Variants in GABRB3 observed in about 807,000 individuals in gnomAD.
GABRB3 encodes the protein gamma-aminobutyric acid receptor subunit beta-3.
Under a neutral mutation model 52.1 loss-of-function variants are expected in GABRB3, and 14 were observed. That is an observed-to-expected ratio of 0.27 (90% confidence interval 0.18 to 0.42). The LOEUF (loss-of-function observed/expected upper bound fraction) is 0.42, where lower values mean the gene tolerates loss of function less well. GABRB3 is among the 10% of genes least tolerant of loss of function. GABRB3 has a pLI of 1.00. For missense variants in GABRB3, 307 were observed against 609.1 expected (o/e 0.50, Z 5.22); for synonymous variants, 260 against 232.3 (o/e 1.12, Z -1.08).
At chr15:26,768,807 A>T (rs1351964720) in intron 3 of GABRB3, among the ~76,000 whole-genome samples, 6 of 152,232 alleles carry the variant, frequency 3.9e-5, no homozygotes, top group Non-Finnish European at 7.4e-5. Context: ...ACTAATTTTT[A>T]AAAAAAAAGA....
intron 3 of GABRB3, among the ~76,000 whole-genome samples, chr15:26,724,347 T>A (rs990647154): frequency 6.6e-6 from 1 of 152,202 alleles, no homozygotes; most frequent in Non-Finnish European, 1.5e-5. Context: ...AGGGAAATTT[T>A]GGAAGCTGAG....
intron 4 of GABRB3, among the ~76,000 whole-genome samples, chr15:26,594,713 G>A (rs1397114515): frequency 6.6e-6 from 1 of 152,062 alleles, no homozygotes; most frequent in Non-Finnish European, 1.5e-5. Context: ...ATGGGGTCTT[G>A]TTACATTGCC....
At chr15:26,768,400 A>T (rs1891054603) in intron 3 of GABRB3, among the ~76,000 whole-genome samples, 1 of 152,238 alleles carries the variant, frequency 6.6e-6, no homozygotes, top group African/African-American at 2.4e-5. Context: ...AAATTAACAG[A>T]TCAAACAATG....
At chr15:26,557,301 G>A (rs1387362798) in intron 8 of GABRB3, among the ~76,000 whole-genome samples, 5 of 152,078 alleles carry the variant, frequency 3.3e-5, no homozygotes, top group African/African-American at 1.2e-4. Context: ...GGACGAAGAG[G>A]ATCAAAAAAC....
At chr15:26,684,279 C>T (rs561390387) in intron 3 of GABRB3, among the ~76,000 whole-genome samples, 114 of 152,264 alleles carry the variant, frequency 7.5e-4, no homozygotes, top group African/African-American at 2.7e-3. Flanking sequence ...GGTACACCCC[C>T]ACATTGCCAC....
chr15:26,601,397 G>A (rs1313133297), intron 4 of GABRB3, among the ~76,000 whole-genome samples: 1 of 149,948 alleles, frequency 6.7e-6, no homozygotes, highest in Non-Finnish European at 1.5e-5. Context: ...GCGACACAGC[G>A]AAACTCCGTC....
intron 3 of GABRB3, among the ~76,000 whole-genome samples, chr15:26,635,544 A>G (rs1893035903): frequency 6.6e-6 from 1 of 152,198 alleles, no homozygotes; most frequent in African/African-American, 2.4e-5. Context: ...AAACAGAAAG[A>G]AAGACGTTTA....
At chr15:26,708,474 G>C (rs2140126792) in intron 3 of GABRB3, among the ~76,000 whole-genome samples, 1 of 152,318 alleles carries the variant, frequency 6.6e-6, no homozygotes, top group Middle Eastern at 3.4e-3. Context: ...ATGAGGGAAT[G>C]AGGGCATAGG....
At chr15:26,578,244 A>ATC (rs1890663571) in intron 6 of GABRB3, among the ~76,000 whole-genome samples, 1 of 152,254 alleles carries the variant, frequency 6.6e-6, no homozygotes, top group South Asian at 2.1e-4. Context: ...AACTTATGCC[A>ATC]TTTCTTCATG....
At chr15:26,629,201 G>A (rs546451708) in intron 3 of GABRB3, 129 of 1,450,244 alleles carry the variant, frequency 8.9e-5, no homozygotes, top group Non-Finnish European at 1.1e-4. Flanking sequence ...TTTGCGAAGC[G>A]GCGGCAATCA....
At chr15:26,644,424 C>T (rs749105645) in intron 3 of GABRB3, among the ~76,000 whole-genome samples, 1 of 152,172 alleles carries the variant, frequency 6.6e-6, no homozygotes, top group Non-Finnish European at 1.5e-5. Flanking sequence ...GACAGACACG[C>T]ACACAGAGAG....
At chr15:26,677,260 C>A (rs1888098609) in intron 3 of GABRB3, among the ~76,000 whole-genome samples, 1 of 152,200 alleles carries the variant, frequency 6.6e-6, no homozygotes, top group Non-Finnish European at 1.5e-5. Context: ...TGCCCCAATT[C>A]CCAGTTAGAA....
chr15:26,557,298 G>A (rs1290860478), intron 8 of GABRB3, among the ~76,000 whole-genome samples: 1 of 152,150 alleles, frequency 6.6e-6, no homozygotes, highest in Non-Finnish European at 1.5e-5. Context: ...AGAGGACGAA[G>A]AGGATCAAAA....
At position 26,772,774 on chromosome 15, in the gene GABRB3, T is replaced by TG; in HGVS notation, c.81-3dup. 2 of 1,447,924 alleles carry TG rather than the reference T, an allele frequency of 1.4e-6. No homozygotes were observed. Among genetic ancestry groups the TG allele is most frequent in the Non-Finnish European group, 1.8e-6 (2 of 1,084,624 alleles). The allele number at this position is 1,447,924 out of a possible 1,614,324, so 89.7% of individuals were successfully genotyped here. A position where few individuals can be genotyped will look rare whatever the true frequency, so the allele number is the denominator to read the frequency against. ...GACATGTTCCCGGGATCGTTCACAC[T>TG]GGGGGAGGGACGGGGAGCACAAAGA... is the stretch of plus-strand genomic sequence containing the variant. On this transcript the variant is annotated splice_polypyrimidine_tract_variant and splice_region_variant and intron_variant, in intron 1 of 8. Coordinates refer to ENST00000311550, the MANE Select transcript of GABRB3 (RefSeq NM_000814.6).
intron 3 of GABRB3, among the ~76,000 whole-genome samples, chr15:26,757,158 C>T (rs907777757): frequency 3.9e-5 from 6 of 152,136 alleles, no homozygotes; most frequent in African/African-American, 7.2e-5. Context: ...GTTTCTTATA[C>T]CAATTTTACC....
Position 26,554,189 on chromosome 15 carries a change from T to A in GABRB3, c.1081-6055A>T, listed in dbSNP as rs867077490. 3.7e-4 allele frequency among the ~76,000 whole-genome samples: 10 copies of A among 27,354 alleles called. 1 individual carries two copies. Among genetic ancestry groups the A allele is most frequent in the Admixed American group, 5.8e-4 (1 of 1,720 alleles). The allele number at this position is 27,354 out of a possible 152,430, so 17.9% of individuals were successfully genotyped here. A position where few individuals can be genotyped will look rare whatever the true frequency, so the allele number is the denominator to read the frequency against. ...TATATATATAAAGTATATATATATA[T>A]ACTATATATATATATATATAGTAGA... On this transcript the variant is annotated intron_variant, in intron 8 of 8. Coordinates refer to ENST00000311550, the MANE Select transcript of GABRB3 (RefSeq NM_000814.6).
chr15:26,592,781 G>A (rs776208509), intron 4 of GABRB3, among the ~76,000 whole-genome samples: 29 of 152,080 alleles, frequency 1.9e-4, no homozygotes, highest in African/African-American at 6.8e-4. Context: ...TTGGGAGGCC[G>A]AGGCGGGTGG....
chr15:26,599,173 C>T (rs907146286), intron 4 of GABRB3, among the ~76,000 whole-genome samples: 1 of 152,168 alleles, frequency 6.6e-6, no homozygotes, highest in Non-Finnish European at 1.5e-5. Flanking sequence ...TAGCTTAAAC[C>T]AGAAAGTCAA....
At chr15:26,606,808 A>ATCGATAGATAGATCTATCTATC (rs750566618) in intron 4 of GABRB3, among the ~76,000 whole-genome samples, 1 of 84,772 alleles carries the variant, frequency 1.2e-5, no homozygotes, top group Non-Finnish European at 2.4e-5. Flanking sequence ...ATATATCTAT[A>ATCGATAGATAGATCTATCTATC]GATAGATAGA....
Sources: allele counts gnomAD v4.1 joint callset (sites outside exome capture counted in the v4.1 genomes callset), GRCh38; gene constraint gnomAD v4.1.1; transcripts MANE v1.5; gene names NCBI Gene and HGNC (gene_info 2026-07-23, HGNC 2026-07-21).